NGF: variants seen among roughly 807,000 people sequenced by gnomAD.
NGF encodes the protein beta-nerve growth factor.
Under a neutral mutation model 12.8 loss-of-function variants are expected in NGF, and 4 were observed. The ratio of observed to expected loss-of-function variants is 0.31; its 90% confidence interval spans 0.15 to 0.72. The LOEUF is 0.72. Among genes scored for constraint, NGF ranks in the 30% least tolerant of loss-of-function variants. The pLI is 0.69. For synonymous variants in NGF, 140 were observed against 130.0 expected (o/e 1.08, Z -0.52); for missense variants, 283 against 330.8 (o/e 0.86, Z 1.12).
At chr1:115,333,024 C>T (rs4332358) in intron 1 of NGF, among the ~76,000 whole-genome samples, 58,983 of 151,972 alleles carry the variant, frequency 0.39, 13,574 homozygotes, top group African/African-American at 0.62. Flanking sequence ...CAAGTCACTC[C>T]ATTACTAATG....
At chr1:115,291,315 T>C (rs892227788) in intron 2 of NGF, among the ~76,000 whole-genome samples, 9 of 152,226 alleles carry the variant, frequency 5.9e-5, no homozygotes, top group Admixed American at 3.9e-4. Flanking sequence ...TAATGCACCA[T>C]TTAGAAAAGA....
intron 1 of NGF, among the ~76,000 whole-genome samples, chr1:115,303,312 C>A (rs1012530257): frequency 6.6e-6 from 1 of 152,110 alleles, no homozygotes; most frequent in Admixed American, 6.6e-5. Context: ...TCTATCACAG[C>A]GTTTAGATAG....
chr1:115,328,550 G>A (rs115304622), intron 1 of NGF, among the ~76,000 whole-genome samples: 2,277 of 152,282 alleles, frequency 0.015, 37 homozygotes, highest in Non-Finnish European at 0.02. Flanking sequence ...CTGGAGCCTC[G>A]CTCAGGAGAA....
rs1315887768 is a variant in NGF at position 115,303,476 on chromosome 1, TCATCACCACTACTTTCTCCATCAC to T, written c.-136-9750_-136-9727del. 4.1e-4 allele frequency among the ~76,000 whole-genome samples: 62 copies of T among 151,362 alleles called. 1 individual carries two copies. In the South Asian group the frequency reaches 5.9e-3, roughly 14 times the overall value. On this transcript the variant is annotated intron_variant, in intron 1 of 2. Transcript: ENST00000369512. ...ATCACCACTACTTTCTCCATCACCA[TCATCACCACTACTTTCTCCATCAC>T]CATCACCACTACTTTCTCCATCACC...
chr1:115,327,950 A>G (rs1389115107), intron 1 of NGF, among the ~76,000 whole-genome samples: 2 of 152,332 alleles, frequency 1.3e-5, no homozygotes, highest in African/African-American at 4.8e-5. Flanking sequence ...AAGAGGATAC[A>G]CTTAAAAAGA....
chr1:115,302,593 T>A (rs1344316560), intron 1 of NGF, among the ~76,000 whole-genome samples: 1 of 152,250 alleles, frequency 6.6e-6, no homozygotes, highest in Admixed American at 6.5e-5. Context: ...TGTTAGCATT[T>A]CACTTCTTTC....
At chr1:115,304,204 C>T (rs1227520147) in intron 1 of NGF, among the ~76,000 whole-genome samples, 1 of 151,842 alleles carries the variant, frequency 6.6e-6, no homozygotes, top group Non-Finnish European at 1.5e-5. Flanking sequence ...TAGTTTTTGC[C>T]CAGGCTGTAG....
chr1:115,306,501 C>A (rs888828044), intron 1 of NGF, among the ~76,000 whole-genome samples: 1 of 152,162 alleles, frequency 6.6e-6, no homozygotes, highest in African/African-American at 2.4e-5. Flanking sequence ...TCATTTTTAG[C>A]AGGTGAAATG....
At chr1:115,329,287 T>C (rs74114055) in intron 1 of NGF, among the ~76,000 whole-genome samples, 2,023 of 152,014 alleles carry the variant, frequency 0.013, 40 homozygotes, top group African/African-American at 0.045. Context: ...ATGTACTTCA[T>C]ACACTTTGTC....
chr1:115,290,545 G>A lies in NGF; in HGVS notation c.-13+3082C>T, dbSNP rs1171357204. 2.0e-4 allele frequency among the ~76,000 whole-genome samples: 30 copies of A among 151,646 alleles called. 1 individual carries two copies. The South Asian group carries it at 5.0e-3, about 25-fold the overall frequency. ...TGAGTAGCTGGGACTACAGGCACAC[G>A]CCGCCACGCCTGGCTAATTTTTCTA... On this transcript the variant is annotated intron_variant, in intron 2 of 2. Coordinates refer to ENST00000369512, the MANE Select transcript of NGF (RefSeq NM_002506.3).
chr1:115,305,397 C>A (rs1243565422), intron 1 of NGF, among the ~76,000 whole-genome samples: 6 of 152,138 alleles, frequency 3.9e-5, no homozygotes, highest in Non-Finnish European at 7.3e-5. Flanking sequence ...GCAATTCACT[C>A]CTTTTTAACC....
intron 1 of NGF, among the ~76,000 whole-genome samples, chr1:115,301,213 G>A (rs1223801543): frequency 6.6e-6 from 1 of 152,172 alleles, no homozygotes; most frequent in African/African-American, 2.4e-5. Flanking sequence ...TCTGTCTCTA[G>A]AGACCCAGAA....
chr1:115,327,591 A>T (rs902483771), intron 1 of NGF, among the ~76,000 whole-genome samples: 2 of 152,254 alleles, frequency 1.3e-5, no homozygotes, highest in Non-Finnish European at 2.9e-5. Flanking sequence ...AAACATTCTT[A>T]GTGGTGTGTC....
chr1:115,292,528 T>G (rs1321167604), intron 2 of NGF, among the ~76,000 whole-genome samples: 1 of 152,194 alleles, frequency 6.6e-6, no homozygotes, highest in African/African-American at 2.4e-5. Context: ...TCTAGCCTAA[T>G]TCTTTAACTT....
intron 1 of NGF, among the ~76,000 whole-genome samples, chr1:115,312,216 G>A (rs1462066295): frequency 6.6e-6 from 1 of 152,062 alleles, no homozygotes; most frequent in Non-Finnish European, 1.5e-5. Flanking sequence ...AATACTTTGT[G>A]GTTCACCGTA....
intron 1 of NGF, among the ~76,000 whole-genome samples, chr1:115,333,508 A>AAAAT (rs1654982051): frequency 1.3e-5 from 2 of 151,206 alleles, no homozygotes; most frequent in Non-Finnish European, 3.0e-5. Context: ...CTAAAAAAAA[A>AAAAT]AAAAAAAAAA....
intron 1 of NGF, among the ~76,000 whole-genome samples, chr1:115,332,273 G>A (rs1019575930): frequency 1.3e-5 from 2 of 152,162 alleles, no homozygotes; most frequent in Admixed American, 1.3e-4. Flanking sequence ...AAAATTACAG[G>A]AGAACCTCCG....
intron 1 of NGF, among the ~76,000 whole-genome samples, chr1:115,308,965 G>A (rs1654274403): frequency 6.6e-6 from 1 of 150,884 alleles, no homozygotes; most frequent in Non-Finnish European, 1.5e-5. Flanking sequence ...ATAGTTCAAA[G>A]GCCTTTCAGA....
chr1:115,306,204 G>A (rs1654198451), intron 1 of NGF, among the ~76,000 whole-genome samples: 1 of 152,182 alleles, frequency 6.6e-6, no homozygotes, highest in Non-Finnish European at 1.5e-5. Context: ...CAAAGACTAT[G>A]GTTTGAGGGA....
Sources: allele counts gnomAD v4.1 joint callset (sites outside exome capture counted in the v4.1 genomes callset), GRCh38; gene constraint gnomAD v4.1.1; transcripts MANE v1.5; gene names NCBI Gene and HGNC (gene_info 2026-07-23, HGNC 2026-07-21).